PHF24: variants seen among roughly 807,000 people sequenced by gnomAD.
PHF24 encodes PHD finger protein 24.
A neutral mutation model predicts 42.6 loss-of-function variants in PHF24; 25 were observed. The ratio of observed to expected loss-of-function variants is 0.59; its 90% CI spans 0.43 to 0.82. The LOEUF is 0.82. Among genes scored for constraint, PHF24 ranks in the 40% least tolerant of loss-of-function variants. PHF24 has a pLI of 0.00. For synonymous variants in PHF24, 185 were observed against 204.8 expected, an observed-to-expected ratio of 0.90 and a Z score of 0.83; for missense variants, 470 against 538.1, an observed-to-expected ratio of 0.87 and a Z score of 1.25.
At chr9:34,735,377 C>T in the PHF24 span, among the ~76,000 whole-genome samples, 10 of 150,982 alleles carry the variant, frequency 6.6e-5, no homozygotes, top group African/African-American at 9.7e-5. Context: ...CTTTGTGATT[C>T]GCCCACCTCG....
the PHF24 span, among the ~76,000 whole-genome samples, chr9:34,755,393 G>A: frequency 6.6e-6 from 1 of 151,874 alleles, no homozygotes; most frequent in East Asian, 1.9e-4. Flanking sequence ...ATCCTCATCA[G>A]CATTAATTTT....
chr9:34,817,561 A>T, the PHF24 span, among the ~76,000 whole-genome samples: 2 of 152,112 alleles, frequency 1.3e-5, no homozygotes, highest in African/African-American at 2.4e-5. Flanking sequence ...TTGTTTTTTT[A>T]AATTACTTAA....
chr9:34,784,469 G>A, the PHF24 span, among the ~76,000 whole-genome samples: 1 of 152,168 alleles, frequency 6.6e-6, no homozygotes, highest in African/African-American at 2.4e-5. Context: ...TTTGAATTAT[G>A]TTCAGCCTCA....
chr9:34,938,544 T>A, the PHF24 span, among the ~76,000 whole-genome samples: 1 of 152,306 alleles, frequency 6.6e-6, no homozygotes, highest in African/African-American at 2.4e-5. Flanking sequence ...ATTTAAATCA[T>A]AGCTCTGACA....
At chr9:34,810,882 G>A in the PHF24 span, among the ~76,000 whole-genome samples, 1 of 152,116 alleles carries the variant, frequency 6.6e-6, no homozygotes, top group Non-Finnish European at 1.5e-5. Flanking sequence ...AGCGGGGGAC[G>A]AGGACAAGTG....
At chr9:34,829,591 C>A in the PHF24 span, among the ~76,000 whole-genome samples, 138 of 152,312 alleles carry the variant, frequency 9.1e-4, no homozygotes, top group Middle Eastern at 3.4e-3. Flanking sequence ...GGCACAACCT[C>A]ACACCTTATA....
chr9:34,680,354 G>A, the PHF24 span, among the ~76,000 whole-genome samples: 30 of 151,882 alleles, frequency 2.0e-4, no homozygotes, highest in Non-Finnish European at 2.9e-4. Flanking sequence ...CAGCCTGGGC[G>A]ACTGAGGGAG....
chr9:34,691,677 G>A, the PHF24 span, among the ~76,000 whole-genome samples: 9 of 152,290 alleles, frequency 5.9e-5, no homozygotes, highest in South Asian at 1.7e-3. Flanking sequence ...GGCTGGTGGT[G>A]AAGAAGGCTC....
chr9:34,886,834 G>GTATGTATCTATC, the PHF24 span, among the ~76,000 whole-genome samples: 2 of 148,694 alleles, frequency 1.3e-5, no homozygotes, highest in Admixed American at 6.7e-5. Context: ...ATGTATCTAT[G>GTATGTATCTATC]TATCTATCTA....
the PHF24 span, chr9:34,710,131 G>T: frequency 1.4e-6 from 2 of 1,380,428 alleles, no homozygotes; most frequent in Non-Finnish European, 2.0e-6. Context: ...CAAGTTGGGG[G>T]TCTGTGCGTG....
At chr9:34,937,646 T>TAAAAA in the PHF24 span, among the ~76,000 whole-genome samples, 4 of 16,192 alleles carry the variant, frequency 2.5e-4, no homozygotes, top group African/African-American at 3.2e-4. Flanking sequence ...AATGATCAAT[T>TAAAAA]TAAAAAAAAA....
rs757516957 is a variant in PHF24, at chr9:34,978,078, C to T, written c.1170C>T (p.Asn390=). 9.9e-6 allele frequency: 16 copies of T among 1,614,166 alleles called. No homozygotes were observed. The East Asian group carries it at 2.2e-4, about 22-fold the overall frequency. The change falls in exon 8 of 8, where the codon AAC becomes AAT. Residue 390 remains asparagine (N), a synonymous_variant. Coordinates refer to ENST00000242315, the Ensembl canonical transcript of PHF24. ...TCTACATCCTGGCTGCTCGCCCCAACAGCGCAGCCATTCACCTGAAGCCCC... is the reference window on the plus strand; with the variant it reads ...TCTACATCCTGGCTGCTCGCCCCAATAGCGCAGCCATTCACCTGAAGCCCC...
chr9:34,754,216 C>A, the PHF24 span, among the ~76,000 whole-genome samples: 1 of 152,220 alleles, frequency 6.6e-6, no homozygotes, highest in Non-Finnish European at 1.5e-5. Context: ...AGTGAAGAGA[C>A]AACCCACAAA....
chr9:34,847,637 G>A, the PHF24 span, among the ~76,000 whole-genome samples: 1 of 151,740 alleles, frequency 6.6e-6, no homozygotes, highest in Admixed American at 6.6e-5. Context: ...CCAACACTAT[G>A]TTGAATAGGA....
At chr9:34,673,074 G>T in the PHF24 span, among the ~76,000 whole-genome samples, 1 of 152,224 alleles carries the variant, frequency 6.6e-6, no homozygotes, top group Non-Finnish European at 1.5e-5. Context: ...AAAAAGATTA[G>T]TCAGAGCATG....
the PHF24 span, among the ~76,000 whole-genome samples, chr9:34,859,313 C>T: frequency 6.6e-6 from 1 of 152,260 alleles, no homozygotes; most frequent in South Asian, 2.1e-4. Flanking sequence ...CCTAAACATC[C>T]CCTAGAATGT....
At chr9:34,709,189 T>G in the PHF24 span, 1 of 648,336 alleles carries the variant, frequency 1.5e-6, no homozygotes, top group Non-Finnish European at 2.7e-6. Context: ...TCTCTGGACC[T>G]GGCCTGCTGT....
chr9:34,814,501 T>G, the PHF24 span, among the ~76,000 whole-genome samples: 1 of 152,234 alleles, frequency 6.6e-6, no homozygotes, highest in Non-Finnish European at 1.5e-5. Context: ...TCAGTGTTTC[T>G]CTACTGTAAT....
the PHF24 span, chr9:34,835,462 G>C: frequency 6.4e-7 from 1 of 1,551,920 alleles, no homozygotes; most frequent in Admixed American, 2.0e-5. Flanking sequence ...GGTGGGCAGG[G>C]AGGACCATAT....
Sources: gnomAD v4.1 joint callset for allele counts (sites outside exome capture counted in the v4.1 genomes callset) on GRCh38, gnomAD v4.1.1 for gene constraint, MANE v1.5 for transcripts, NCBI Gene and HGNC (gene_info 2026-07-23, HGNC 2026-07-21) for gene names.